SMARCA1: variants seen among roughly 807,000 people sequenced by gnomAD.
SMARCA1 encodes SNF2 related chromatin remodeling ATPase 1, also known as SWI/SNF-related matrix-associated actin-dependent regulator of chromatin subfamily A member 1.
A neutral mutation model predicts 93.6 loss-of-function variants in SMARCA1; 17 were observed. The ratio of observed to expected loss-of-function variants is 0.18; its 90% confidence interval spans 0.12 to 0.27. The LOEUF (loss-of-function observed/expected upper bound fraction) is 0.27. Ranked by LOEUF, SMARCA1 falls within the 10% of genes least tolerant of loss-of-function variation. The pLI is 1.00. For synonymous variants in SMARCA1, 271 were observed against 271.4 expected, an observed-to-expected ratio of 1.00 and a Z score of 0.01; for missense variants, 630 against 819.0, an observed-to-expected ratio of 0.77 and a Z score of 2.82.
intron 21 of SMARCA1, among the ~76,000 whole-genome samples, chrX:129,466,838 A>T (rs5932627): frequency 0.25 from 17,164 of 69,183 alleles, 1,133 homozygotes; most frequent in East Asian, 0.42. Flanking sequence ...CTTTTCTCAT[A>T]AAAAAAAAAA....
In SMARCA1 at chrX:129,481,202, A is replaced by G; in HGVS notation, c.2218-17T>C. 9.7e-7 allele frequency: 1 copy of G among 1,025,998 alleles called. No individual in the cohort carries two copies. Among genetic ancestry groups the G allele is most frequent in the African/African-American group, 1.8e-5 (1 of 54,066 alleles). 84.6% of individuals were successfully genotyped at this position (1,025,998 alleles called of 1,213,427 possible). On this transcript the variant is annotated splice_polypyrimidine_tract_variant and intron_variant, in intron 17 of 24. Coordinates refer to ENST00000371121, the MANE Select transcript of SMARCA1 (RefSeq NM_001282874.2). ...CATGCCAAGCTATACACAACAAACA[A>G]CAACAAGGGGTTTAATGACTCCAAA...
intron 23 of SMARCA1, among the ~76,000 whole-genome samples, chrX:129,459,410 T>C (rs1462203688): frequency 8.9e-6 from 1 of 111,783 alleles, no homozygotes; most frequent in African/African-American, 3.3e-5. Flanking sequence ...AGAGCAAGAC[T>C]CCGTCTCAAA....
intron 15 of SMARCA1, 41 bp downstream of exon 15, chrX:129,490,019 T>C: frequency 9.6e-7 from 1 of 1,042,806 alleles, no homozygotes; most frequent in African/African-American, 1.9e-5. Context: ...ACTACATGTG[T>C]TTTACAAAAA....
intron 5 of SMARCA1, among the ~76,000 whole-genome samples, chrX:129,514,456 C>A (rs1935122734): frequency 8.9e-6 from 1 of 112,685 alleles, no homozygotes; most frequent in Admixed American, 9.4e-5. Flanking sequence ...ATGCACTGTA[C>A]TGTATCAAGA....
At chrX:129,516,031 T>G (rs775805672) in intron 3 of SMARCA1, 37 bp from the exon 4 acceptor site, 5 of 991,878 alleles carry the variant, frequency 5.0e-6, no homozygotes, top group Non-Finnish European at 5.7e-6. Flanking sequence ...ATATTCGACC[T>G]AAATGATAAG....
intron 15 of SMARCA1, 72 bp from the exon 16 acceptor site, chrX:129,489,157 G>T (rs1007276609): frequency 2.1e-5 from 14 of 677,364 alleles, no homozygotes; most frequent in Non-Finnish European, 2.7e-5. Context: ...ATTCTAATCA[G>T]ACATTATCAC....
At chrX:129,457,852 A>T (rs892557580) in intron 23 of SMARCA1, among the ~76,000 whole-genome samples, 3 of 111,892 alleles carry the variant, frequency 2.7e-5, no homozygotes, top group African/African-American at 9.7e-5. Context: ...GGAAGTTCCC[A>T]TGCCTCAATC....
At chrX:129,521,694 G>A in intron 1 of SMARCA1, among the ~76,000 whole-genome samples, 1 of 112,197 alleles carries the variant, frequency 8.9e-6, no homozygotes, top group Non-Finnish European at 1.9e-5. Context: ...GGGAATAAAA[G>A]GCACACAGAC....
intron 6 of SMARCA1, among the ~76,000 whole-genome samples, chrX:129,511,194 T>C (rs780320349): frequency 3.2e-4 from 36 of 111,593 alleles, no homozygotes; most frequent in African/African-American, 1.1e-3. Flanking sequence ...GACAAATGGC[T>C]GATTTAAACA....
chrX:129,466,352 C>T (rs1439464788), intron 21 of SMARCA1, among the ~76,000 whole-genome samples: 1 of 111,146 alleles, frequency 9.0e-6, no homozygotes, highest in East Asian at 2.8e-4. Context: ...ATATAGCTTC[C>T]TAGCATGCGA....
intron 16 of SMARCA1, among the ~76,000 whole-genome samples, chrX:129,488,286 CAAAA>C (rs34476497): frequency 6.4e-5 from 3 of 46,698 alleles, no homozygotes; most frequent in African/African-American, 6.8e-5. Flanking sequence ...TAGTCCAGTG[CAAAA>C]AAAAAAAAAA....
chrX:129,458,404 T>G (rs1486322277), intron 23 of SMARCA1, among the ~76,000 whole-genome samples: 3 of 112,353 alleles, frequency 2.7e-5, no homozygotes, highest in Admixed American at 9.4e-5. Flanking sequence ...TCCATACTTT[T>G]TTAATGGTTT....
intron 9 of SMARCA1, among the ~76,000 whole-genome samples, chrX:129,500,123 TAAA>T (rs61313042): frequency 1.1e-5 from 1 of 87,463 alleles, no homozygotes; most frequent in Admixed American, 1.3e-4. Context: ...AAAGAACCCT[TAAA>T]AAAAAAAAAA....
At chrX:129,491,886 T>G (rs574695107) in intron 14 of SMARCA1, 55 bp downstream of exon 14, 2 of 864,097 alleles carry the variant, frequency 2.3e-6, no homozygotes, top group African/African-American at 4.0e-5. Flanking sequence ...TGTGTGTAAA[T>G]AGCAATAGTA....
chrX:129,500,871 T>A (rs1355808211), intron 9 of SMARCA1, among the ~76,000 whole-genome samples: 1 of 111,615 alleles, frequency 9.0e-6, no homozygotes, highest in African/African-American at 3.3e-5. Flanking sequence ...TGCCAGTGCA[T>A]GACTGTAGTT....
At chrX:129,504,563 A>AAAAAAAAAAAAAAAAAAAC (rs1235037721) in intron 9 of SMARCA1, among the ~76,000 whole-genome samples, 171 bp downstream of exon 9, 1 of 96,038 alleles carries the variant, frequency 1.0e-5, no homozygotes, top group African/African-American at 4.4e-5. Flanking sequence ...AAAAAAAAAA[A>AAAAAAAAAAAAAAAAAAAC]AAAAAAAAAA....
At chrX:129,496,619 A>C in intron 12 of SMARCA1, 131 bp downstream of exon 12, 1 of 500,280 alleles carries the variant, frequency 2.0e-6, no homozygotes, top group Non-Finnish European at 3.3e-6. Flanking sequence ...TGAAGAGAGA[A>C]AGAGATGCTA....
chrX:129,504,549 T>TAAAAAAAAAAAAAAAAAAAAAAAAAA (rs780225300), intron 9 of SMARCA1, among the ~76,000 whole-genome samples, 185 bp downstream of exon 9: 1 of 24,214 alleles, frequency 4.1e-5, no homozygotes, highest in African/African-American at 1.4e-4. Flanking sequence ...CATAGAGGAA[T>TAAAAAAAAAAAAAAAAAAAAAAAAAA]AAAAAAAAAA....
intron 23 of SMARCA1, among the ~76,000 whole-genome samples, chrX:129,460,146 CAA>C (rs1177682745): frequency 9.4e-5 from 10 of 106,310 alleles, no homozygotes; most frequent in Non-Finnish European, 1.7e-4. Context: ...GACCCTGTTT[CAA>C]AAAAAAAATT....
Sources: gnomAD v4.1 joint callset for allele counts (sites outside exome capture counted in the v4.1 genomes callset) on GRCh38, gnomAD v4.1.1 for gene constraint, MANE v1.5 for transcripts, NCBI Gene and HGNC (gene_info 2026-07-23, HGNC 2026-07-21) for gene names.